ZDHHC11: variants seen among roughly 807,000 people sequenced by gnomAD.
The protein encoded by ZDHHC11 is palmitoyltransferase ZDHHC11.
ZDHHC11 carries 44 observed loss-of-function variants against 51.3 expected under a neutral mutation model. The ratio of observed to expected loss-of-function variants is 0.86; its 90% CI spans 0.67 to 1.10. The LOEUF is 1.10. Ranked by LOEUF, ZDHHC11 falls within the 50% of genes least tolerant of loss-of-function variation. The pLI is 0.00. For missense variants in ZDHHC11, 400 were observed against 537.7 expected, an observed-to-expected ratio of 0.74 and a Z score of 2.53; for synonymous variants, 163 against 222.0, an observed-to-expected ratio of 0.73 and a Z score of 2.36.
upstream of ZDHHC11, among the ~76,000 whole-genome samples, chr5:854,840 ACCACACAGAG>A (rs1747915178): frequency 6.9e-6 from 1 of 143,896 alleles, no homozygotes; most frequent in African/African-American, 2.6e-5. Flanking sequence ...GGGGGCACAG[ACCACACAGAG>A]GACAGCGAGC....
At chr5:811,663 G>T (rs1318628997) in intron 11 of ZDHHC11, among the ~76,000 whole-genome samples, 4 of 150,308 alleles carry the variant, frequency 2.7e-5, no homozygotes, top group African/African-American at 9.9e-5. Context: ...AGCGGAGTTG[G>T]GATGCCAGGG....
At chr5:858,602 C>T (rs1748612726) in intron 1 of ZDHHC11, among the ~76,000 whole-genome samples, 1 of 152,184 alleles carries the variant, frequency 6.6e-6, no homozygotes, top group African/African-American at 2.4e-5. Flanking sequence ...TCCTCCAGCC[C>T]CCCAAACGTG....
rs548792511 is a variant in ZDHHC11 at position 802,382 on chromosome 5, T to G, written c.1182-1218A>C. Among the ~76,000 whole-genome samples the G allele has an allele frequency of 3.5e-4, 53 of 151,028 alleles. 1 individual carries two copies. The highest frequency in any genetic ancestry group is 1.6e-3 in the Admixed American group (24 of 15,162). On this transcript the variant is annotated intron_variant, in intron 11 of 12. Coordinates refer to ENST00000283441, the MANE Select transcript of ZDHHC11 (RefSeq NM_024786.3). Reference sequence around the variant, plus strand: ...AAAATTACTGAGAATAAAGAGAAAATAAAATATTAATTTCAAATGAAAACA... The same window carrying G: ...AAAATTACTGAGAATAAAGAGAAAAGAAAATATTAATTTCAAATGAAAACA...
At chr5:813,963 G>T (rs1481238231) in intron 11 of ZDHHC11, among the ~76,000 whole-genome samples, 1 of 150,976 alleles carries the variant, frequency 6.6e-6, no homozygotes, top group Non-Finnish European at 1.5e-5. Flanking sequence ...TTTCTTTTAG[G>T]TTGTATTAAA....
intron 11 of ZDHHC11, among the ~76,000 whole-genome samples, chr5:807,306 T>C (rs1466301586): frequency 2.0e-5 from 3 of 151,008 alleles, no homozygotes; most frequent in Admixed American, 6.6e-5. Context: ...ATGTACTCTT[T>C]AGGAATATAC....
Position 795,734 on chromosome 5 carries a change from T to A in ZDHHC11, c.*854A>T, listed in dbSNP as rs894777291. 10 of 154,414 alleles carry A rather than the reference T, an allele frequency of 6.5e-5. No homozygotes were observed. The highest frequency in any genetic ancestry group is 2.4e-4 in the African/African-American group (10 of 41,312). The allele number at this position is 154,414 out of a possible 1,614,324, so 9.6% of individuals were successfully genotyped here. On this transcript the variant is annotated 3_prime_UTR_variant, in exon 13 of 13. Coordinates refer to ENST00000283441, the MANE Select transcript of ZDHHC11 (RefSeq NM_024786.3). ...CTGGTTCTCTGGTATTGACTCTTTT[T>A]GTCTACTAAGATAAGAAGTCTGGGC...
intron 6 of ZDHHC11, among the ~76,000 whole-genome samples, chr5:836,350 C>A (rs1422290250): frequency 6.7e-6 from 1 of 150,372 alleles, no homozygotes; most frequent in Non-Finnish European, 1.5e-5. Flanking sequence ...CACTGCTTAC[C>A]CCTGGAGTGA....
At chr5:854,137 A>G (rs1441455890), upstream of ZDHHC11, among the ~76,000 whole-genome samples, 8 of 132,950 alleles carry the variant, frequency 6.0e-5, no homozygotes, top group South Asian at 2.7e-4. Flanking sequence ...CAGACCCCAC[A>G]GAGGACAGCG....
At chr5:845,486 CT>C (rs1745994551) in intron 3 of ZDHHC11, among the ~76,000 whole-genome samples, 1 of 152,250 alleles carries the variant, frequency 6.6e-6, no homozygotes, top group African/African-American at 2.4e-5. Flanking sequence ...CCTCCTGCCC[CT>C]GCTGCCTGTG....
chr5:856,635 C>G (rs573330464), intron 1 of ZDHHC11, among the ~76,000 whole-genome samples: 3 of 151,484 alleles, frequency 2.0e-5, no homozygotes, highest in Admixed American at 6.6e-5. Context: ...AAAACACACA[C>G]ACCAAACACA....
At chr5:835,105 C>T (rs1444710361) in intron 6 of ZDHHC11, among the ~76,000 whole-genome samples, 1 of 151,464 alleles carries the variant, frequency 6.6e-6, no homozygotes, top group Non-Finnish European at 1.5e-5. Flanking sequence ...CACTAAAGAT[C>T]ACAGAGATTT....
At chr5:824,803 C>T (rs1742090266) in intron 8 of ZDHHC11, among the ~76,000 whole-genome samples, 2 of 151,326 alleles carry the variant, frequency 1.3e-5, no homozygotes, top group African/African-American at 4.9e-5. Flanking sequence ...TGGCTTCTGC[C>T]ATGGCTACCA....
At chr5:827,993 C>T (rs1201836644) in intron 7 of ZDHHC11, among the ~76,000 whole-genome samples, 4 of 151,230 alleles carry the variant, frequency 2.6e-5, no homozygotes, top group East Asian at 1.9e-4. Context: ...CATCTTGCAC[C>T]GCCCTTAATC....
chr5:806,026 A>T (rs1311850390), intron 11 of ZDHHC11, among the ~76,000 whole-genome samples: 3 of 151,240 alleles, frequency 2.0e-5, no homozygotes, highest in Admixed American at 6.6e-5. Context: ...TGACGTCAGG[A>T]CACCAGAGGT....
intron 3 of ZDHHC11, among the ~76,000 whole-genome samples, chr5:845,849 T>G (rs1195417906): frequency 6.7e-6 from 1 of 149,388 alleles, no homozygotes; most frequent in East Asian, 2.0e-4. Flanking sequence ...GATGCCCCTT[T>G]CCCACACCCA....
chr5:860,058 G>A (rs891181950), upstream of ZDHHC11, among the ~76,000 whole-genome samples: 1 of 152,212 alleles, frequency 6.6e-6, no homozygotes. The surrounding 1 kb of genome is among the most constrained non-coding windows in gnomAD (Gnocchi z 4.2). Flanking sequence ...GGTGCCTGGA[G>A]CCTGCAGTGG....
At chr5:828,247 T>C (rs1742571111) in intron 7 of ZDHHC11, among the ~76,000 whole-genome samples, 1 of 151,442 alleles carries the variant, frequency 6.6e-6, no homozygotes, top group African/African-American at 2.4e-5. Context: ...CAGTGAGCTG[T>C]TGGGTACACC....
At chr5:803,434 TAC>T in intron 11 of ZDHHC11, among the ~76,000 whole-genome samples, 1 of 151,428 alleles carries the variant, frequency 6.6e-6, no homozygotes, top group Admixed American at 6.6e-5. Context: ...TGACAAGAAA[TAC>T]ACATTTTGCA....
At chr5:855,378 G>A (rs184308227), upstream of ZDHHC11, among the ~76,000 whole-genome samples, 82 of 145,048 alleles carry the variant, frequency 5.7e-4, no homozygotes, top group East Asian at 0.01. Flanking sequence ...ACAGAGAGCC[G>A]GGGAGACAGA....
Sources: allele counts gnomAD v4.1 joint callset (sites outside exome capture counted in the v4.1 genomes callset), GRCh38; gene constraint gnomAD v4.1.1; non-coding constraint Gnocchi (gnomAD v3.1); transcripts MANE v1.5; gene names NCBI Gene and HGNC (gene_info 2026-07-23, HGNC 2026-07-21).